The following LTK variants were observed in gnomAD, a reference collection of about 807,000 sequenced individuals.
LTK encodes the protein leukocyte tyrosine kinase receptor.
Under a neutral mutation model 101.5 loss-of-function variants are expected in LTK, and 117 were observed. The ratio of observed to expected loss-of-function variants is 1.15; its 90% confidence interval spans 0.99 to 1.34. The LOEUF is 1.34. LTK is among the 40% of genes most tolerant of loss of function. The probability of loss-of-function intolerance (pLI) is 0.00; values close to 1 mark genes in which losing one functional copy is unlikely to be tolerated. For missense variants in LTK, 1,252 were observed against 1,164.7 expected (o/e 1.07, Z -1.09); for synonymous variants, 563 against 494.2 (o/e 1.14, Z -1.85).
At chr15:41,507,775 A>T in intron 9 of LTK, 118 bp from the exon 10 acceptor site, 5 of 1,165,202 alleles carry the variant, frequency 4.3e-6, no homozygotes, top group Non-Finnish European at 4.7e-6. Flanking sequence ...GCCTTCCCCC[A>T]TTATCCTGGG....
At chr15:41,513,641 T>C in intron 1 of LTK, 26 bp downstream of exon 1, 1 of 1,611,480 alleles carries the variant, frequency 6.2e-7, no homozygotes, top group Non-Finnish European at 8.5e-7. Flanking sequence ...GGCTGGACGG[T>C]CCCCTGACCG....
At chr15:41,504,688 C>A in intron 17 of LTK, 48 bp from the exon 18 acceptor site, 3 of 1,606,316 alleles carry the variant, frequency 1.9e-6, no homozygotes, top group Non-Finnish European at 2.6e-6. Context: ...GGTGTAGCCT[C>A]CCCTCACATG....
chr15:41,511,912 C>G lies in LTK; in HGVS notation c.562G>C (p.Glu188Gln). ...VCLGESRAVE[E>Q]HAAMDGSEGV... ...TCGCTCCCATCCATCGCCGCGTGCTCTTCAACGGCTCGAGACTCCCCGAGG... is the reference window on the plus strand; with the variant it reads ...TCGCTCCCATCCATCGCCGCGTGCTGTTCAACGGCTCGAGACTCCCCGAGG... The change falls in exon 5 of 20, where the codon GAG (glutamate) becomes CAG (glutamine). Residue 188 changes from glutamate to glutamine, a missense_variant. By Grantham distance (29) the Glu-to-Gln change is conservative. Transcript: ENST00000263800. This position sits in a 1 kb window ranked among gnomAD's most constrained non-coding sequence, Gnocchi z 5.9. The G allele has an allele frequency of 1.3e-6, 2 of 1,500,750 alleles. No homozygotes were observed. The highest frequency in any genetic ancestry group is 1.8e-6 in the Non-Finnish European group (2 of 1,139,982). 93.0% of individuals were successfully genotyped at this position (1,500,750 alleles called of 1,614,324 possible).
At position 41,512,800 on chromosome 15, in the gene LTK, G is replaced by A. The variant is rs1378118333; in HGVS notation, c.266C>T (p.Ala89Val). ...CACCACCACGCTGGTCCCCGCGTACGCCCCGTCACATTGTGTCTGTGTGGG... is the reference window on the plus strand; with the variant it reads ...CACCACCACGCTGGTCCCCGCGTACACCCCGTCACATTGTGTCTGTGTGGG... ...HGPTQTQCDGAYAGTSVVVTV... is the reference protein window; with the variant it reads ...HGPTQTQCDGVYAGTSVVVTV... The change falls in exon 3 of 20, where the codon GCG becomes GTG. Residue 89 changes from alanine to valine, a missense_variant. Ala to Val is a moderately conservative substitution (Grantham distance 64). Transcript: ENST00000263800. 1 of 1,612,484 alleles carries A rather than the reference G, an allele frequency of 6.2e-7. No individual in the cohort carries two copies. Among genetic ancestry groups the A allele is most frequent in the East Asian group, 2.2e-5 (1 of 44,854 alleles).
rs958722860 is a variant in LTK, at chr15:41,512,276, C to T, written c.360-11G>A. On this transcript the variant is annotated splice_polypyrimidine_tract_variant and intron_variant, in intron 3 of 19. Transcript: ENST00000263800. ...CCGTAGGCTGAGATCCTGCGGGGAACGGACGGTGAGTCCCCGGCCTTCGGT... is the reference window on the plus strand; with the variant it reads ...CCGTAGGCTGAGATCCTGCGGGGAATGGACGGTGAGTCCCCGGCCTTCGGT... 1 of 1,609,448 alleles carries T rather than the reference C, an allele frequency of 6.2e-7. No homozygotes were observed.
intron 8 of LTK, 63 bp downstream of exon 8, chr15:41,508,968 A>T: frequency 9.1e-7 from 1 of 1,098,462 alleles, no homozygotes; most frequent in Non-Finnish European, 1.4e-6. Flanking sequence ...GCAGTGCAGG[A>T]GTGGGCTCAG....
At chr15:41,505,596 A>G (rs1186266572) in intron 13 of LTK, 66 bp from the exon 14 acceptor site, 2 of 1,609,128 alleles carry the variant, frequency 1.2e-6, no homozygotes, top group Non-Finnish European at 1.7e-6. Context: ...TAGGCTCCAC[A>G]AAGCTGGAGA....
At position 41,505,275 on chromosome 15, in the gene LTK, G is replaced by A. The variant is rs1714606074; in HGVS notation, c.1858C>T (p.Leu620=). 6.2e-7 allele frequency: 1 copy of A among 1,613,948 alleles called. No homozygotes were observed. The highest frequency in any genetic ancestry group is 1.7e-5 in the Admixed American group (1 of 59,992). ...GCTATGTCCTGGGCCAGTTGCAGCAGGTCCCGCATGACCAGAGGTGATGGC... is the reference window on the plus strand; with the variant it reads ...GCTATGTCCTGGGCCAGTTGCAGCAAGTCCCGCATGACCAGAGGTGATGGC... ...GQPSPLVMRD[L]LQLAQDIAQG... Residue 620 remains leucine, a synonymous_variant, in exon 15 of 20, where the codon CTG becomes TTG. Transcript: ENST00000263800.
intron 19 of LTK, 37 bp downstream of exon 19, chr15:41,504,305 C>T (rs2140685641): frequency 6.2e-7 from 1 of 1,612,624 alleles, no homozygotes; most frequent in East Asian, 2.2e-5. Context: ...CCTCCTGACC[C>T]ACAAGACCAG....
Position 41,505,306 on chromosome 15 carries a change from C to T in LTK, c.1828-1G>A, listed in dbSNP as rs144415087. On this transcript the variant is annotated splice_acceptor_variant, in intron 14 of 19. Coordinates refer to ENST00000263800, the MANE Select transcript of LTK (RefSeq NM_002344.6). LOFTEE classifies it high-confidence loss of function. ...GCATGACCAGAGGTGATGGCTGGCC[C>T]TGGGTCAGGCAGAGGGGGCATCAGT... is the stretch of plus-strand genomic sequence containing the variant. The T allele has an allele frequency of 8.9e-5, 144 of 1,613,820 alleles. No homozygotes were observed. The highest frequency in any genetic ancestry group is 2.2e-4 in the Admixed American group (13 of 59,974).
At position 41,505,045 on chromosome 15, in the gene LTK, A is replaced by T; in HGVS notation, c.1945T>A (p.Cys649Ser). 6.2e-7 allele frequency: 1 copy of T among 1,613,320 alleles called. No homozygotes were observed. The highest frequency in any genetic ancestry group is 2.2e-5 in the East Asian group (1 of 44,874). The change falls in exon 16 of 20, where the codon TGC (cysteine) becomes AGC (serine). Residue 649 changes from cysteine (C) to serine (S), a missense_variant. Physicochemically the swap from Cys to Ser is moderately radical, Grantham distance 112. Coordinates refer to ENST00000263800, the MANE Select transcript of LTK (RefSeq NM_002344.6). ...CTGGGTCCAGCGCAGCTCAGCAGGC[A>T]GTTCCGGGCGGCAATATCCCTACAG... ...FIHRDIAARN[C>S]LLSCAGPSRV... is the part of the protein sequence containing the mutation.
chr15:41,507,646 G>A lies in LTK; in HGVS notation c.1261C>T (p.Pro421Ser), dbSNP rs937733178. 2 of 1,613,268 alleles carry A rather than the reference G, an allele frequency of 1.2e-6. No homozygotes were observed. The highest frequency in any genetic ancestry group is 1.7e-6 in the Non-Finnish European group (2 of 1,179,832). ...ACCATCAGAACCAGAGGGCCTGGGG[G>A]CTTGTGCAGGTCTAGGGAGAAAGAG... ...DNVTCMDLHK[P>S]PGPLVLMVAV... Residue 421 changes from proline (P) to serine (S), a missense_variant, in exon 10 of 20, where the codon CCC (proline) becomes TCC (serine). Pro to Ser is a moderately conservative substitution (Grantham distance 74). Coordinates refer to ENST00000263800, the MANE Select transcript of LTK (RefSeq NM_002344.6).
Position 41,505,996 on chromosome 15 carries a change from G to A in LTK, c.1551C>T (p.Gly517=). Residue 517 remains glycine (G), a synonymous_variant, in exon 12 of 20, where the codon GGC becomes GGT. Transcript: ENST00000263800. Reference sequence around the variant, plus strand: ...CATACACCTCCCCAAAGGCACCATGGCCCAGGGCTCTGCAGGAAGACACGT... The same window carrying A: ...CATACACCTCCCCAAAGGCACCATGACCCAGGGCTCTGCAGGAAGACACGT... ...PANVTLLRAL[G]HGAFGEVYEG... is the part of the protein sequence containing the mutation. 6.2e-7 allele frequency: 1 copy of A among 1,613,346 alleles called. No homozygotes were observed. The highest frequency in any genetic ancestry group is 8.5e-7 in the Non-Finnish European group (1 of 1,179,412).
chr15:41,512,783 C>T lies in LTK; in HGVS notation c.283G>A (p.Val95Met), dbSNP rs748990382. The T allele has an allele frequency of 6.8e-5, 109 of 1,611,790 alleles. No homozygotes were observed. Among genetic ancestry groups the T allele is most frequent in the Non-Finnish European group, 9.0e-5 (106 of 1,179,612 alleles). The change falls in exon 3 of 20, where the codon GTG becomes ATG. Residue 95 changes from valine to methionine, a missense_variant. Physicochemically the swap from Val to Met is conservative, Grantham distance 21. Coordinates refer to ENST00000263800, the MANE Select transcript of LTK (RefSeq NM_002344.6). ...CCGGCGGCCCCCACGGTCACCACCA[C>T]GCTGGTCCCCGCGTACGCCCCGTCA... The part of the protein sequence containing the change: ...QCDGAYAGTS[V>M]VVTVGAAGQL...
At chr15:41,506,052 G>A in intron 11 of LTK, 47 bp from the exon 12 acceptor site, 1 of 1,257,258 alleles carries the variant, frequency 8.0e-7, no homozygotes, top group Non-Finnish European at 1.2e-6. Context: ...GCCTGGAGAA[G>A]AGTCCTAGAG....
intron 7 of LTK, among the ~76,000 whole-genome samples, chr15:41,510,167 C>A (rs575767633): frequency 6.6e-6 from 1 of 151,882 alleles, no homozygotes; most frequent in Non-Finnish European, 1.5e-5. Flanking sequence ...CCACCACGCC[C>A]GGCTAATTTT....
chr15:41,512,319 C>T (rs1189138107), intron 3 of LTK, 54 bp from the exon 4 acceptor site: 6 of 1,496,494 alleles, frequency 4.0e-6, no homozygotes, highest in Non-Finnish European at 5.4e-6. Context: ...CCGGCCGCTC[C>T]GGGCAGAAGT....
chr15:41,507,196 G>T lies in LTK; in HGVS notation c.1440C>A (p.Ala480=), dbSNP rs1403152072. ...SKLRTSAIRT[A]PNPYYCQVGL... ...CCACCTGGCAATAATAGGGATTGGG[G>T]GCTGTCCTGATGGCAGAGGTTCGAA... Residue 480 remains alanine, a synonymous_variant, in exon 11 of 20, where the codon GCC becomes GCA. Transcript: ENST00000263800. 3.1e-6 allele frequency: 5 copies of T among 1,613,894 alleles called. No homozygotes were observed. The highest frequency in any genetic ancestry group is 4.2e-6 in the Non-Finnish European group (5 of 1,179,962).
Position 41,513,731 on chromosome 15 carries a change from A to G in LTK, c.-22T>C, listed in dbSNP as rs759340732. The G allele has an allele frequency of 6.2e-7, 1 of 1,612,298 alleles. No individual in the cohort carries two copies. The highest frequency in any genetic ancestry group is 8.5e-7 in the Non-Finnish European group (1 of 1,178,852). On this transcript the variant is annotated 5_prime_UTR_variant, in exon 1 of 20. Transcript: ENST00000263800. The stretch of plus-strand genomic sequence containing the variant: ...CCATCCCTGTTGGGTCCACCCGGCA[A>G]CAAAAGCCCTTGCGGTCGCGGCCAC...
Sources: gnomAD v4.1 joint callset for allele counts (sites outside exome capture counted in the v4.1 genomes callset) on GRCh38, gnomAD v4.1.1 for gene constraint, Gnocchi (gnomAD v3.1) non-coding constraint, MANE v1.5 for transcripts, NCBI Gene and HGNC (gene_info 2026-07-23, HGNC 2026-07-21) for gene names.